ARHGEF28: variants seen among roughly 807,000 people sequenced by gnomAD.
ARHGEF28 encodes Rho guanine nucleotide exchange factor 28.
A neutral mutation model predicts 206.6 loss-of-function variants in ARHGEF28; 152 were observed. The ratio of observed to expected loss-of-function variants is 0.74; its 90% CI spans 0.64 to 0.84. ARHGEF28 has a LOEUF of 0.84. ARHGEF28 is among the 40% of genes least tolerant of loss of function. The pLI is 0.00. For missense variants in ARHGEF28, 2,028 were observed against 2,073.2 expected, an observed-to-expected ratio of 0.98 and a Z score of 0.42; for synonymous variants, 763 against 776.4, an observed-to-expected ratio of 0.98 and a Z score of 0.29.
chr5:73,764,942 A>G (rs980225686), intron 4 of ARHGEF28, among the ~76,000 whole-genome samples: 3 of 152,212 alleles, frequency 2.0e-5, no homozygotes, highest in Admixed American at 1.3e-4. Context: ...AAGATTGTGT[A>G]TGATACCCAT....
At chr5:73,686,730 G>T (rs998670144) in intron 2 of ARHGEF28, among the ~76,000 whole-genome samples, 2 of 151,800 alleles carry the variant, frequency 1.3e-5, no homozygotes, top group East Asian at 1.9e-4. Flanking sequence ...CACCGTGTTA[G>T]CCAGGATGGT....
At chr5:73,638,359 A>G (rs753384523) in intron 1 of ARHGEF28, among the ~76,000 whole-genome samples, 3 of 152,244 alleles carry the variant, frequency 2.0e-5, no homozygotes, top group Non-Finnish European at 2.9e-5. Flanking sequence ...ATCTATTTTT[A>G]TAACTGTAGA....
intron 2 of ARHGEF28, among the ~76,000 whole-genome samples, chr5:73,689,382 G>T (rs1747675559): frequency 6.6e-6 from 1 of 151,948 alleles, no homozygotes; most frequent in Admixed American, 6.6e-5. Context: ...CCTCACTGTT[G>T]CCCAGGCTGG....
At chr5:73,901,105 C>T in intron 30 of ARHGEF28, 79 bp from the exon 31 acceptor site, 3 of 1,077,648 alleles carry the variant, frequency 2.8e-6, no homozygotes, top group South Asian at 1.3e-5. Flanking sequence ...TATGTGTTGG[C>T]CGTGTACAGA....
chr5:73,813,809 A>G, intron 9 of ARHGEF28: 4 of 865,034 alleles, frequency 4.6e-6, no homozygotes, highest in Non-Finnish European at 6.9e-6. Context: ...CTCACTGTAC[A>G]GATACATATA....
chr5:73,826,773 C>G (rs1028473122), intron 9 of ARHGEF28, among the ~76,000 whole-genome samples: 1 of 152,190 alleles, frequency 6.6e-6, no homozygotes, highest in Non-Finnish European at 1.5e-5. Context: ...TGGGTGGAAT[C>G]TATTTACTTT....
At position 73,858,236 on chromosome 5, in the gene ARHGEF28, A is replaced by C. The variant is rs377651779; in HGVS notation, c.2047+17A>C. 2.8e-5 allele frequency: 43 copies of C among 1,556,224 alleles called. No homozygotes were observed. Among genetic ancestry groups the C allele is most frequent in the Non-Finnish European group, 3.4e-5 (39 of 1,157,854 alleles). The stretch of plus-strand genomic sequence containing the variant: ...AGTGTTCTAGTAAGTTCTCAGGTCT[A>C]TGTGCGCTGTCTTTGTTTTCATCTC... On this transcript the variant is annotated intron_variant, in intron 16 of 35. Coordinates refer to ENST00000513042, the MANE Select transcript of ARHGEF28 (RefSeq NM_001177693.2).
At chr5:73,845,990 A>C (rs1376373223) in intron 11 of ARHGEF28, among the ~76,000 whole-genome samples, 217 of 91,198 alleles carry the variant, frequency 2.4e-3, no homozygotes, top group African/African-American at 0.019. Context: ...CTGTCTCAAA[A>C]AAAAAAAAAA....
Position 73,849,058 on chromosome 5 carries a change from G to A in ARHGEF28, c.1718G>A (p.Arg573His), listed in dbSNP as rs373048783. 40 of 1,571,860 alleles carry A rather than the reference G, an allele frequency of 2.5e-5. No individual in the cohort carries two copies. In the Admixed American group the frequency reaches 2.6e-4, roughly 10 times the overall value. ...KISLGKTRLV[R>H]ELTVCSSSEE... ...TCTTTAGGAAAAACTCGTTTGGTGC[G>A]TGAATTAACAGTATGCAGTTCAAGT... The change falls in exon 13 of 36, where the codon CGT (arginine) becomes CAT (histidine). Residue 573 changes from arginine (R) to histidine (H), a missense_variant. Around this residue, in one of 3 missense-constraint regions of ARHGEF28, gnomAD observed 1,002 missense variants for 1,015.3 expected, o/e 0.99. Transcript: ENST00000513042.
chr5:73,753,231 C>T (rs1209158515), intron 4 of ARHGEF28, 29 bp downstream of exon 4: 3 of 1,512,458 alleles, frequency 2.0e-6, no homozygotes, highest in Non-Finnish European at 2.6e-6. Context: ...ATTCAGATAT[C>T]CCCTCTGTGT....
At position 73,803,974 on chromosome 5, in the gene ARHGEF28, A is replaced by G. The variant is rs1338721266; in HGVS notation, c.1024+8583A>G. On this transcript the variant is annotated intron_variant, in intron 9 of 35. Coordinates refer to ENST00000513042, the MANE Select transcript of ARHGEF28 (RefSeq NM_001177693.2). ...ATGGTACATGCCTGTGGTCCTAGCT[A>G]TTCAGGAGGCTGAGGTGGGAGGATG... Among the ~76,000 whole-genome samples the G allele has an allele frequency of 3.4e-5, 5 of 147,330 alleles. No individual in the cohort carries two copies. The South Asian group carries it at 1.1e-3, about 33-fold the overall frequency.
At chr5:73,831,666 G>C (rs1413477162) in intron 9 of ARHGEF28, among the ~76,000 whole-genome samples, 12 of 151,230 alleles carry the variant, frequency 7.9e-5, no homozygotes, top group Admixed American at 2.0e-4. Flanking sequence ...ATTAAGTTTA[G>C]TTATCAATAA....
chr5:73,800,066 G>A (rs1486858), intron 9 of ARHGEF28, among the ~76,000 whole-genome samples: 13,156 of 152,058 alleles, frequency 0.087, 1,084 homozygotes, highest in East Asian at 0.23. Context: ...AGAAAAATTG[G>A]GAATTTTAGA....
intron 9 of ARHGEF28, chr5:73,813,534 C>A: frequency 6.5e-7 from 1 of 1,531,326 alleles, no homozygotes; most frequent in South Asian, 1.2e-5. Flanking sequence ...GGGGACGCCC[C>A]GAGTTCTTCC....
intron 4 of ARHGEF28, among the ~76,000 whole-genome samples, chr5:73,757,342 C>T (rs529728649): frequency 6.6e-6 from 1 of 152,232 alleles, no homozygotes; most frequent in South Asian, 2.1e-4. Context: ...GCTCAGTGTT[C>T]ACTTTTATTA....
At chr5:73,919,871 A>G (rs1763424572) in intron 35 of ARHGEF28, among the ~76,000 whole-genome samples, 1 of 152,240 alleles carries the variant, frequency 6.6e-6, no homozygotes, top group Non-Finnish European at 1.5e-5. Flanking sequence ...AATTTGAATT[A>G]TATGGGGTAA....
intron 33 of ARHGEF28, among the ~76,000 whole-genome samples, chr5:73,907,509 A>G (rs1487971505): frequency 1.3e-5 from 2 of 152,226 alleles, no homozygotes; most frequent in Non-Finnish European, 2.9e-5. Flanking sequence ...TGAATGTCTT[A>G]TATGTGACTG....
chr5:73,841,579 A>C (rs1430976104), intron 11 of ARHGEF28, among the ~76,000 whole-genome samples: 1 of 151,968 alleles, frequency 6.6e-6, no homozygotes. Context: ...GGTGGCACGC[A>C]CATGTGGTCC....
intron 2 of ARHGEF28, 47 bp from the exon 3 acceptor site, chr5:73,749,790 G>A (rs1469525342): frequency 6.2e-7 from 1 of 1,605,392 alleles, no homozygotes; most frequent in African/African-American, 1.3e-5. Context: ...CTTTCTTAGA[G>A]CCAGGACAAG....
Sources: allele counts gnomAD v4.1 joint callset (sites outside exome capture counted in the v4.1 genomes callset), GRCh38; gene constraint gnomAD v4.1.1; regional missense constraint gnomAD v4.1.1; transcripts MANE v1.5; gene names NCBI Gene and HGNC (gene_info 2026-07-23, HGNC 2026-07-21).